Variants in THBS2 observed in about 807,000 individuals in gnomAD.
THBS2 encodes thrombospondin-2.
A neutral mutation model predicts 135.2 loss-of-function variants in THBS2; 47 were observed. That is an observed-to-expected ratio of 0.35 (90% CI 0.28 to 0.44). THBS2 has a LOEUF of 0.44. Among genes scored for constraint, THBS2 ranks in the 20% least tolerant of loss-of-function variants. The probability of loss-of-function intolerance (pLI) is 1.00; values close to 1 mark genes in which losing one functional copy is unlikely to be tolerated. For synonymous variants in THBS2, 639 were observed against 633.8 expected (o/e 1.01, Z -0.12); for missense variants, 1,288 against 1,603.1 (o/e 0.80, Z 3.36).
Position 169,226,311 on chromosome 6 carries a change from AAAGGGGG to A in THBS2, c.2420-20_2420-14del, listed in dbSNP as rs765154048. 6.9e-6 allele frequency: 11 copies of A among 1,602,824 alleles called. No individual in the cohort carries two copies. Among genetic ancestry groups the A allele is most frequent in the Non-Finnish European group, 8.5e-6 (10 of 1,170,540 alleles). On this transcript the variant is annotated splice_polypyrimidine_tract_variant and intron_variant, in intron 15 of 21. Coordinates refer to ENST00000617924, the MANE Select transcript of THBS2 (RefSeq NM_003247.5). The stretch of plus-strand genomic sequence containing the variant: ...TCATTGAAGACATCTGTAAGTGTTT[AAAGGGGG>A]AAGAAAACAAAAACAAACCAGAAGG...
chr6:169,229,458 G>T, intron 14 of THBS2, 114 bp downstream of exon 14: 2 of 805,000 alleles, frequency 2.5e-6, no homozygotes, highest in African/African-American at 1.7e-5. Flanking sequence ...ATGCACAAAC[G>T]CTTGCAGGAC....
chr6:169,225,215 G>A lies in THBS2; in HGVS notation c.2703C>T (p.Asp901=). 1 of 1,614,194 alleles carries A rather than the reference G, an allele frequency of 6.2e-7. No homozygotes were observed. Among genetic ancestry groups the A allele is most frequent in the South Asian group, 1.1e-5 (1 of 91,082 alleles). ...CCCTGTCATCGGGGACGCCATCGTT[G>A]TCATCATCAGGGTCACAGGCGTCGC... ...GQGDACDPDD[D]NDGVPDDRDN... The change falls in exon 17 of 22, where the codon GAC becomes GAT. Residue 901 remains aspartate, a synonymous_variant. Transcript: ENST00000617924.
intron 4 of THBS2, among the ~76,000 whole-genome samples, chr6:169,244,627 T>C (rs1193677663): frequency 6.6e-6 from 1 of 152,088 alleles, no homozygotes; most frequent in Non-Finnish European, 1.5e-5. Context: ...CACGTATACA[T>C]ATAAATATAT....
chr6:169,242,624 C>CCTTCCCACCTTCCTATCTTCCCAT (rs1780359889), intron 4 of THBS2, among the ~76,000 whole-genome samples: 1 of 70,498 alleles, frequency 1.4e-5, no homozygotes, highest in Non-Finnish European at 3.2e-5. Flanking sequence ...ACCGCTCCCA[C>CCTTCCCACCTTCCTATCTTCCCAT]CTTCCCACCA....
intron 17 of THBS2, among the ~76,000 whole-genome samples, chr6:169,224,416 A>G (rs1358680854): frequency 6.6e-6 from 1 of 152,182 alleles, no homozygotes; most frequent in Non-Finnish European, 1.5e-5. Context: ...CGGGGAGAAC[A>G]CAGGAGCTGC....
chr6:169,231,966 G>A lies in THBS2; in HGVS notation c.2151+14C>T, dbSNP rs1177109170. The A allele has an allele frequency of 1.2e-6, 2 of 1,612,674 alleles. No homozygotes were observed. Among genetic ancestry groups the A allele is most frequent in the Non-Finnish European group, 8.5e-7 (1 of 1,179,606 alleles). On this transcript the variant is annotated intron_variant, in intron 13 of 21. Coordinates refer to ENST00000617924, the MANE Select transcript of THBS2 (RefSeq NM_003247.5). Reference sequence around the variant, plus strand: ...CGCCGTGGCCCCGTGTGCCCTGCGAGCCCCGCGCCTCACCTTGATGCAGTG... The same window carrying A: ...CGCCGTGGCCCCGTGTGCCCTGCGAACCCCGCGCCTCACCTTGATGCAGTG...
At chr6:169,218,564 G>A (rs559883522) in intron 21 of THBS2, among the ~76,000 whole-genome samples, 118 of 145,752 alleles carry the variant, frequency 8.1e-4, no homozygotes, top group Admixed American at 2.7e-3. Context: ...AGGTGGATGG[G>A]GCTGGGTGGA....
rs186208895 is a variant in THBS2 at position 169,247,508 on chromosome 6, A to T, written c.609+909T>A. Among the ~76,000 whole-genome samples the T allele has an allele frequency of 2.1e-5, 3 of 140,008 alleles. No individual in the cohort carries two copies. The East Asian group carries it at 6.0e-4, about 28-fold the overall frequency. The allele number at this position is 140,008 out of a possible 152,430, so 91.9% of individuals were successfully genotyped here. A position where few individuals can be genotyped will look rare whatever the true frequency, so the allele number is the denominator to read the frequency against. Reference sequence around the variant, plus strand: ...GTGGTTCTGTGTATGCATCTATATGATGTTCATGTGTTTATGTGTGGGGGA... The same window carrying T: ...GTGGTTCTGTGTATGCATCTATATGTTGTTCATGTGTTTATGTGTGGGGGA... On this transcript the variant is annotated intron_variant, in intron 3 of 21. Coordinates refer to ENST00000617924, the MANE Select transcript of THBS2 (RefSeq NM_003247.5).
intron 3 of THBS2, among the ~76,000 whole-genome samples, chr6:169,247,340 A>G (rs975478072): frequency 6.6e-6 from 1 of 152,114 alleles, no homozygotes; most frequent in Admixed American, 6.5e-5. Flanking sequence ...CTCTGCATGC[A>G]TTGTGTGTGC....
chr6:169,218,842 G>A (rs977551368), intron 21 of THBS2, among the ~76,000 whole-genome samples: 1 of 150,758 alleles, frequency 6.6e-6, no homozygotes, highest in African/African-American at 2.4e-5. Context: ...TGGATGGATG[G>A]ATGGATAAGA....
At chr6:169,247,017 G>A (rs1780575061) in intron 3 of THBS2, among the ~76,000 whole-genome samples, 1 of 152,180 alleles carries the variant, frequency 6.6e-6, no homozygotes, top group South Asian at 2.1e-4. Flanking sequence ...CCTTGGAAAA[G>A]GGCACCTGCT....
At chr6:169,249,756 C>T (rs901567831) in intron 2 of THBS2, among the ~76,000 whole-genome samples, 3 of 152,246 alleles carry the variant, frequency 2.0e-5, no homozygotes, top group East Asian at 3.9e-4. Flanking sequence ...CAAAGCCAGG[C>T]GCGGTGGCTC....
At position 169,216,439 on chromosome 6, in the gene THBS2, A is replaced by C. The variant is rs1168858103; in HGVS notation, c.*1383T>G. 6.6e-6 allele frequency: 1 copy of C among 152,166 alleles called. No individual in the cohort carries two copies. Among genetic ancestry groups the C allele is most frequent in the African/African-American group, 2.4e-5 (1 of 41,418 alleles). 9.4% of individuals were successfully genotyped at this position (152,166 alleles called of 1,614,324 possible). A position where few individuals can be genotyped will look rare whatever the true frequency, so the allele number is the denominator to read the frequency against. Reference sequence around the variant, plus strand: ...AAACAAACCAACCAACAAAAAAAACAAAAACAAAAACAAACTTGTGCATAT... The same window carrying C: ...AAACAAACCAACCAACAAAAAAAACCAAAACAAAAACAAACTTGTGCATAT... On this transcript the variant is annotated 3_prime_UTR_variant, in exon 22 of 22. Transcript: ENST00000617924.
In THBS2 at chr6:169,250,366, T is replaced by C. The variant is rs374565421; in HGVS notation, c.52+367A>G. ...TTATCTGTGATGAAATATTATGTGG[T>C]CATTAAAAATCATACTGTAGAAAAG... On this transcript the variant is annotated intron_variant, in intron 2 of 21. Coordinates refer to ENST00000617924, the MANE Select transcript of THBS2 (RefSeq NM_003247.5). Among the ~76,000 whole-genome samples, 11 of 152,332 alleles carry C rather than the reference T, an allele frequency of 7.2e-5. No individual in the cohort carries two copies. In the East Asian group the frequency reaches 1.2e-3, roughly 16 times the overall value.
chr6:169,229,298 G>C (rs985393154), intron 14 of THBS2, among the ~76,000 whole-genome samples: 1 of 152,236 alleles, frequency 6.6e-6, no homozygotes, highest in East Asian at 1.9e-4. Flanking sequence ...CTCCTCAGCA[G>C]AAGGAGAGGA....
Position 169,228,192 on chromosome 6 carries a change from G to T in THBS2, c.2349C>A (p.His783Gln). ...TGTCTGTGTCGATCTGGGCAGGGTT[G>T]TGCACGTAAGGGCAGTTGTCACAGC... ...GDRCDNCPYV[H>Q]NPAQIDTDNN... The change falls in exon 15 of 22, where the codon CAC becomes CAA. Residue 783 changes from histidine to glutamine, a missense_variant. Physicochemically the swap from His to Gln is conservative, Grantham distance 24 (BLOSUM62 0). This residue lies in a region of THBS2 where 874 missense variants were observed against 1,156.1 expected (regional missense o/e 0.76). Coordinates refer to ENST00000617924, the MANE Select transcript of THBS2 (RefSeq NM_003247.5). 6.2e-7 allele frequency: 1 copy of T among 1,614,130 alleles called. No individual in the cohort carries two copies. Among genetic ancestry groups the T allele is most frequent in the Non-Finnish European group, 8.5e-7 (1 of 1,180,020 alleles).
chr6:169,226,296 C>T lies in THBS2; in HGVS notation c.2422G>A (p.Val808Ile). The change falls in exon 16 of 22, where the codon GTC becomes ATC. Residue 808 changes from valine to isoleucine, a missense_variant and splice_region_variant. Val to Ile is a conservative substitution (Grantham distance 29). Transcript: ENST00000617924. ...GGACAATTGTCTCGTTCATTGAAGA[C>T]ATCTGTAAGTGTTTAAAGGGGGAAG... ...ACSVDIDGDD[V>I]FNERDNCPYV... 1.2e-6 allele frequency: 2 copies of T among 1,612,556 alleles called. No individual in the cohort carries two copies. Among genetic ancestry groups the T allele is most frequent in the Non-Finnish European group, 1.7e-6 (2 of 1,178,716 alleles).
chr6:169,219,203 GATGGATGAA>G (rs998168158), intron 21 of THBS2, among the ~76,000 whole-genome samples: 20 of 145,148 alleles, frequency 1.4e-4, no homozygotes, highest in Non-Finnish European at 2.0e-4. Flanking sequence ...TGGGTGGATG[GATGGATGAA>G]ATGGATGAGT....
In THBS2 at chr6:169,237,638, C is replaced by T. The variant is rs143771562; in HGVS notation, c.1287G>A (p.Lys429=). The T allele has an allele frequency of 1.2e-5, 20 of 1,612,662 alleles. No homozygotes were observed. The African/African-American group carries it at 2.4e-4, about 19-fold the overall frequency. Residue 429 remains lysine, a synonymous_variant, in exon 8 of 22, where the codon AAG becomes AAA. Transcript: ENST00000617924. ...CCCGACACTCACTGCGGGTGTCACA[C>T]TTGCTCAGACTGCAAGCCCGTGTCT... ...SIQTRACSLS[K]CDTRIRQDGG... is the part of the protein sequence containing the mutation.
Sources: allele counts gnomAD v4.1 joint callset (sites outside exome capture counted in the v4.1 genomes callset), GRCh38; gene constraint gnomAD v4.1.1; regional missense constraint gnomAD v4.1.1; transcripts MANE v1.5; gene names NCBI Gene and HGNC (gene_info 2026-07-23, HGNC 2026-07-21).